KIAA1328: variants seen among roughly 807,000 people sequenced by gnomAD.
KIAA1328 encodes KIAA1328.
KIAA1328 carries 52 observed loss-of-function variants against 68.1 expected under a neutral mutation model. The ratio of observed to expected loss-of-function variants is 0.76; its 90% confidence interval spans 0.61 to 0.96. The LOEUF (loss-of-function observed/expected upper bound fraction) is 0.96. Ranked by LOEUF, KIAA1328 falls within the 40% of genes least tolerant of loss-of-function variation. The pLI, the probability that KIAA1328 is intolerant of heterozygous loss-of-function variation, is 0.00. For synonymous variants in KIAA1328, 232 were observed against 239.4 expected, an observed-to-expected ratio of 0.97 and a Z score of 0.28; for missense variants, 641 against 677.6, an observed-to-expected ratio of 0.95 and a Z score of 0.60.
At chr18:37,141,628 G>A (rs1599406299) in intron 7 of KIAA1328, among the ~76,000 whole-genome samples, 1 of 152,238 alleles carries the variant, frequency 6.6e-6, no homozygotes, top group South Asian at 2.1e-4. Context: ...TGAAATTACT[G>A]TATCATATTG....
chr18:37,118,416 G>C (rs1262856965), intron 7 of KIAA1328, among the ~76,000 whole-genome samples: 1 of 152,092 alleles, frequency 6.6e-6, no homozygotes, highest in Non-Finnish European at 1.5e-5. Context: ...GGGCTGGGTC[G>C]TTCATAGTCC....
chr18:37,139,259 G>A (rs1013140079), intron 7 of KIAA1328, among the ~76,000 whole-genome samples: 9 of 152,030 alleles, frequency 5.9e-5, no homozygotes, highest in East Asian at 1.9e-4. Context: ...CACCGTGCCC[G>A]GCCAAAATGT....
intron 5 of KIAA1328, among the ~76,000 whole-genome samples, chr18:36,892,573 A>G (rs1246234549): frequency 2.6e-5 from 4 of 152,144 alleles, no homozygotes; most frequent in African/African-American, 9.7e-5. Context: ...ACTTCGTTCC[A>G]TTTAACAAGC....
chr18:37,109,430 A>G (rs1232325631), intron 7 of KIAA1328, among the ~76,000 whole-genome samples: 1 of 152,190 alleles, frequency 6.6e-6, no homozygotes. Flanking sequence ...TGTAATAACT[A>G]CATGTTTTTG....
chr18:37,032,705 G>A (rs574229871), intron 6 of KIAA1328, among the ~76,000 whole-genome samples: 320 of 152,110 alleles, frequency 2.1e-3, no homozygotes, highest in Non-Finnish European at 4.0e-3. Flanking sequence ...ACAATGGCAC[G>A]ATCTTGGCTC....
intron 6 of KIAA1328, among the ~76,000 whole-genome samples, chr18:37,016,429 G>A (rs2054155360): frequency 1.3e-5 from 2 of 152,072 alleles, no homozygotes; most frequent in Non-Finnish European, 2.9e-5. Flanking sequence ...TTGGCCCGTA[G>A]TTTTTATTTT....
chr18:37,196,596 T>A (rs2060007411), intron 9 of KIAA1328, among the ~76,000 whole-genome samples: 1 of 152,178 alleles, frequency 6.6e-6, no homozygotes, highest in South Asian at 2.1e-4. Flanking sequence ...ATTTATTGAA[T>A]CAAGTATGTT....
At chr18:36,845,456 T>C (rs1477754349) in intron 4 of KIAA1328, among the ~76,000 whole-genome samples, 1 of 151,790 alleles carries the variant, frequency 6.6e-6, no homozygotes, top group Non-Finnish European at 1.5e-5. Flanking sequence ...TGTTTGTTAA[T>C]GGTCCTACGT....
intron 4 of KIAA1328, among the ~76,000 whole-genome samples, chr18:36,852,447 C>T (rs766558501): frequency 1.8e-4 from 27 of 152,122 alleles, no homozygotes; most frequent in Non-Finnish European, 2.4e-4. Context: ...CTGCGTCTGT[C>T]GCCCAGTAGT....
rs2049716903 is a variant in KIAA1328 at position 36,916,727 on chromosome 18, AG to A, written c.448+31056del. 3.3e-5 allele frequency among the ~76,000 whole-genome samples: 5 copies of A among 152,278 alleles called. No homozygotes were observed. In the East Asian group the frequency reaches 9.7e-4, roughly 29 times the overall value. ...ACAGAGAGGAAAATTCTTTCCTGAC[AG>A]CAGTTAATGAATGTGGTTTCTTACG... On this transcript the variant is annotated intron_variant, in intron 5 of 9. Transcript: ENST00000280020.
At chr18:37,143,772 A>G (rs1336632279) in intron 7 of KIAA1328, among the ~76,000 whole-genome samples, 7 of 152,028 alleles carry the variant, frequency 4.6e-5, no homozygotes, top group Non-Finnish European at 1.0e-4. Context: ...TTCGGCATTT[A>G]TTGATATAAT....
At chr18:37,114,317 C>A (rs1007109808) in intron 7 of KIAA1328, among the ~76,000 whole-genome samples, 3 of 152,188 alleles carry the variant, frequency 2.0e-5, no homozygotes, top group Admixed American at 1.3e-4. Context: ...GTCTCTCAGA[C>A]CACAGTGCAA....
intron 4 of KIAA1328, among the ~76,000 whole-genome samples, chr18:36,878,355 G>A (rs539593616): frequency 5.9e-5 from 9 of 151,968 alleles, no homozygotes; most frequent in Non-Finnish European, 1.3e-4. Flanking sequence ...GCCTCCTCTG[G>A]CTTGTAGGGT....
chr18:37,149,569 C>A (rs56319145), intron 7 of KIAA1328, among the ~76,000 whole-genome samples: 16,147 of 152,034 alleles, frequency 0.11, 1,083 homozygotes, highest in Non-Finnish European at 0.13. Flanking sequence ...CTAATTAGAG[C>A]ATATTACTGT....
At chr18:37,063,730 T>C (rs1415091323) in intron 6 of KIAA1328, 3 of 919,444 alleles carry the variant, frequency 3.3e-6, no homozygotes, top group Non-Finnish European at 1.3e-6. Flanking sequence ...GAAAAAAATT[T>C]TTTAATTTAT....
intron 7 of KIAA1328, among the ~76,000 whole-genome samples, chr18:37,159,060 GA>G (rs2059220124): frequency 6.6e-6 from 1 of 151,792 alleles, no homozygotes; most frequent in Non-Finnish European, 1.5e-5. Flanking sequence ...AAAAAAAAAA[GA>G]AGAGTATCAC....
rs145821129 is a variant in KIAA1328 at position 36,877,103 on chromosome 18, G to A, written c.333-8454G>A. Among the ~76,000 whole-genome samples, 318 of 152,212 alleles carry A rather than the reference G, an allele frequency of 2.1e-3. 2 individuals are homozygous for A. Among genetic ancestry groups the A allele is most frequent in the Middle Eastern group, 0.017 (5 of 294 alleles). ...GGAGTGTTTTACTTCCAATTATGTG[G>A]TCAATTTTAGAATAAATGCTATGTG... On this transcript the variant is annotated intron_variant, in intron 4 of 9. Transcript: ENST00000280020.
chr18:36,940,303 G>A (rs2050659876), intron 5 of KIAA1328, among the ~76,000 whole-genome samples: 2 of 152,196 alleles, frequency 1.3e-5, no homozygotes, highest in Non-Finnish European at 1.5e-5. Flanking sequence ...CATCTAGAGT[G>A]CGGCTCAGGA....
At chr18:37,210,488 G>A (rs2060296066) in intron 9 of KIAA1328, among the ~76,000 whole-genome samples, 1 of 152,172 alleles carries the variant, frequency 6.6e-6, no homozygotes, top group South Asian at 2.1e-4. Context: ...AGGTAAGACA[G>A]GCCAATATAG....
Sources: gnomAD v4.1 joint callset for allele counts (sites outside exome capture counted in the v4.1 genomes callset) on GRCh38, gnomAD v4.1.1 for gene constraint, MANE v1.5 for transcripts, NCBI Gene and HGNC (gene_info 2026-07-23, HGNC 2026-07-21) for gene names.